URM1: variants seen among roughly 807,000 people sequenced by gnomAD.
The protein encoded by URM1 is ubiquitin-related modifier 1.
A neutral mutation model predicts 17.7 loss-of-function variants in URM1; 11 were observed. The ratio of observed to expected loss-of-function variants is 0.62; its 90% CI spans 0.39 to 1.03. The LOEUF is 1.03. Ranked by LOEUF, URM1 falls within the 50% of genes least tolerant of loss-of-function variation. The pLI, the probability that URM1 is intolerant of heterozygous loss-of-function variation, is 0.00. For synonymous variants in URM1, 48 were observed against 50.6 expected (o/e 0.95, Z 0.22); for missense variants, 128 against 129.2 (o/e 0.99, Z 0.04).
chr9:128,372,513 A>G (rs1420874556), intron 1 of URM1, among the ~76,000 whole-genome samples: 1 of 152,178 alleles, frequency 6.6e-6, no homozygotes, highest in African/African-American at 2.4e-5. Context: ...GGATACAAAG[A>G]TAAATAGAAG....
Position 128,377,706 on chromosome 9 carries a change from T to TA in URM1, c.36-325dup, listed in dbSNP as rs534590070. 7.0e-4 allele frequency among the ~76,000 whole-genome samples: 107 copies of TA among 152,190 alleles called. No individual in the cohort carries two copies. In the East Asian group the frequency reaches 0.013, roughly 19 times the overall value. On this transcript the variant is annotated intron_variant, in intron 1 of 4. Coordinates refer to ENST00000372853, the MANE Select transcript of URM1 (RefSeq NM_030914.4). ...TTAAATATAAACATAAATATTAATA[T>TA]AAAAAGTAGCCTGATATGGTGGCAT...
intron 1 of URM1, among the ~76,000 whole-genome samples, chr9:128,376,561 C>G (rs1226250656): frequency 6.6e-6 from 1 of 151,704 alleles, no homozygotes; most frequent in Non-Finnish European, 1.5e-5. Flanking sequence ...ACTCTGGAAG[C>G]TGAGGCAGAG....
rs557835300 is a variant in URM1, at chr9:128,387,285, C to T, written c.107-531C>T. Among the ~76,000 whole-genome samples, 1 of 152,346 alleles carries T rather than the reference C, an allele frequency of 6.6e-6. No homozygotes were observed. Among genetic ancestry groups the T allele is most frequent in the East Asian group, 1.9e-4 (1 of 5,186 alleles). ...GGTGAATGATCCTTCTCTCCCTCTG[C>T]CAGAGGAAATTAACTGATGTTATCA... On this transcript the variant is annotated intron_variant, in intron 2 of 4. Coordinates refer to ENST00000372853, the MANE Select transcript of URM1 (RefSeq NM_030914.4). This position sits in a 1 kb window ranked among gnomAD's most constrained non-coding sequence, Gnocchi z 4.3.
intron 1 of URM1, among the ~76,000 whole-genome samples, chr9:128,374,673 G>A (rs538732436): frequency 7.9e-5 from 12 of 152,316 alleles, no homozygotes; most frequent in East Asian, 1.9e-4. Context: ...GCCTCCCAGC[G>A]GGCTGTCTCA....
chr9:128,385,066 G>A (rs79091921), intron 2 of URM1, among the ~76,000 whole-genome samples: 13,957 of 152,232 alleles, frequency 0.092, 726 homozygotes, highest in Middle Eastern at 0.17. Flanking sequence ...GGGAGATACC[G>A]CTGAGGTTCA....
rs149355542 is a variant in URM1, at chr9:128,387,786, C to T, written c.107-30C>T. On this transcript the variant is annotated intron_variant, in intron 2 of 4. Transcript: ENST00000372853. The surrounding 1 kb of genome is among the most constrained non-coding windows in gnomAD (Gnocchi z 4.3). The stretch of plus-strand genomic sequence containing the variant: ...GTGGGCAGGTGCTATTTGGGTTTGA[C>T]AAGAGTTTGTTCTGTGCATTCCTTT... The T allele has an allele frequency of 5.3e-5, 86 of 1,613,700 alleles. No individual in the cohort carries two copies. In the African/African-American group the frequency reaches 8.0e-4, roughly 15 times the overall value.
intron 3 of URM1, chr9:128,389,039 CA>C: frequency 7.4e-7 from 1 of 1,353,112 alleles, no homozygotes; most frequent in Non-Finnish European, 9.5e-7. Context: ...TGCTGGCTGG[CA>C]TTTGCACCCA....
At chr9:128,376,213 A>G (rs988628267) in intron 1 of URM1, among the ~76,000 whole-genome samples, 3 of 152,170 alleles carry the variant, frequency 2.0e-5, no homozygotes, top group Non-Finnish European at 4.4e-5. Context: ...TAAAAATAAA[A>G]TTAGGCAGGT....
intron 2 of URM1, among the ~76,000 whole-genome samples, chr9:128,386,837 TA>T (rs1268387703): frequency 6.6e-6 from 1 of 152,206 alleles, no homozygotes; most frequent in Non-Finnish European, 1.5e-5. Flanking sequence ...ATGGGGTGCT[TA>T]ACCCCAACCT....
intron 2 of URM1, among the ~76,000 whole-genome samples, chr9:128,380,038 A>G (rs1435921177): frequency 6.6e-6 from 1 of 152,138 alleles, no homozygotes; most frequent in African/African-American, 2.4e-5. Context: ...GCTTGAGCCC[A>G]GGAGATCGAG....
At chr9:128,374,923 C>T (rs2131288783) in intron 1 of URM1, among the ~76,000 whole-genome samples, 1 of 152,336 alleles carries the variant, frequency 6.6e-6, no homozygotes, top group Non-Finnish European at 1.5e-5. Context: ...TGGCCAGGTG[C>T]TGGGACACAG....
chr9:128,378,542 CAAAAAAAAAAA>C (rs58676800), intron 2 of URM1, among the ~76,000 whole-genome samples: 164 of 23,020 alleles, frequency 7.1e-3, no homozygotes, highest in South Asian at 0.043. Context: ...GACTCCATCT[CAAAAAAAAAAA>C]AAAAAAAAAA....
rs1263592201 is a variant in URM1, at chr9:128,387,322, GT to G, written c.107-487del. 6.6e-6 allele frequency among the ~76,000 whole-genome samples: 1 copy of G among 152,194 alleles called. No individual in the cohort carries two copies. The highest frequency in any genetic ancestry group is 1.5e-5 in the Non-Finnish European group (1 of 68,028). On this transcript the variant is annotated intron_variant, in intron 2 of 4. Coordinates refer to ENST00000372853, the MANE Select transcript of URM1 (RefSeq NM_030914.4). This position sits in a 1 kb window ranked among gnomAD's most constrained non-coding sequence, Gnocchi z 4.3. ...AACTGATGTTATCAGCTCAGCAATT[GT>G]TTTTTTCCCCTCACAAAGGGAAATA...
intron 1 of URM1, among the ~76,000 whole-genome samples, chr9:128,375,530 G>A (rs1453914715): frequency 6.6e-6 from 1 of 152,130 alleles, no homozygotes; most frequent in East Asian, 1.9e-4. Flanking sequence ...GGGCAATAGA[G>A]TGAGACCTCA....
chr9:128,386,412 C>A (rs943041911), intron 2 of URM1, among the ~76,000 whole-genome samples: 1 of 152,198 alleles, frequency 6.6e-6, no homozygotes. Context: ...CTCCAGGGAC[C>A]GTGAAGACTC....
In URM1 at chr9:128,378,025, C is replaced by G; in HGVS notation, c.36-11C>G. Reference sequence around the variant, plus strand: ...CACCTGGCTGTCTTTTTCTCTGGTCCTCCTTTGCAGAGGTGGTGCGGAGCT... The same window carrying G: ...CACCTGGCTGTCTTTTTCTCTGGTCGTCCTTTGCAGAGGTGGTGCGGAGCT... On this transcript the variant is annotated splice_polypyrimidine_tract_variant and intron_variant, in intron 1 of 4. Coordinates refer to ENST00000372853, the MANE Select transcript of URM1 (RefSeq NM_030914.4). 6.2e-7 allele frequency: 1 copy of G among 1,610,850 alleles called. No individual in the cohort carries two copies.
At chr9:128,385,303 A>G (rs1833212023) in intron 2 of URM1, among the ~76,000 whole-genome samples, 1 of 152,132 alleles carries the variant, frequency 6.6e-6, no homozygotes, top group African/African-American at 2.4e-5. Context: ...CTGATCCCAG[A>G]TGAAGGAGAT....
intron 3 of URM1, chr9:128,388,639 G>C (rs1201251338): frequency 1.0e-6 from 1 of 986,262 alleles, no homozygotes; most frequent in Non-Finnish European, 1.2e-6. Context: ...GGCCAGCAGT[G>C]CTCCTTGGGC....
intron 1 of URM1, among the ~76,000 whole-genome samples, chr9:128,372,254 G>A (rs533755633): frequency 4.6e-5 from 7 of 152,188 alleles, no homozygotes; most frequent in Admixed American, 2.0e-4. Flanking sequence ...GTGGAAAAGA[G>A]GAAATAGGTA....
Sources: allele counts gnomAD v4.1 joint callset (sites outside exome capture counted in the v4.1 genomes callset), GRCh38; gene constraint gnomAD v4.1.1; non-coding constraint Gnocchi (gnomAD v3.1); transcripts MANE v1.5; gene names NCBI Gene and HGNC (gene_info 2026-07-23, HGNC 2026-07-21).